PCDH11X: variants seen among roughly 807,000 people sequenced by gnomAD.
PCDH11X encodes protocadherin-11 X-linked.
PCDH11X carries 18 observed loss-of-function variants against 53.3 expected under a neutral mutation model. The observed-to-expected ratio is 0.34, with a 90% CI of 0.23 to 0.50. The LOEUF (loss-of-function observed/expected upper bound fraction) is 0.50. PCDH11X is among the 20% of genes least tolerant of loss of function. The pLI is 0.98. For synonymous variants in PCDH11X, 279 were observed against 393.3 expected (o/e 0.71, Z 3.44); for missense variants, 570 against 1,032.4 (o/e 0.55, Z 6.14).
At position 92,424,802 on chromosome X, in the gene PCDH11X, G is replaced by A. The variant is rs1263423892; in HGVS notation, c.3343+36869G>A. On this transcript the variant is annotated intron_variant, in intron 9 of 10. Transcript: ENST00000682573. ...CTTTTGTTTACCTTTCAGAGTCCTC[G>A]GGTAGTTGCCTTTTGTATATTTTCC... 6.2e-5 allele frequency among the ~76,000 whole-genome samples: 6 copies of A among 96,681 alleles called. 1 individual carries two copies. The highest frequency in any genetic ancestry group is 5.5e-4 in the Admixed American group (5 of 9,124). The allele number at this position is 96,681 out of a possible 115,157, so 84.0% of individuals were successfully genotyped here. A position where few individuals can be genotyped will look rare whatever the true frequency, so the allele number is the denominator to read the frequency against.
chrX:92,428,718 A>G (rs1446311072), intron 9 of PCDH11X, among the ~76,000 whole-genome samples: 1 of 111,129 alleles, frequency 9.0e-6, no homozygotes. Context: ...CTAGCCTTTT[A>G]GCTTCCTAGA....
intron 6 of PCDH11X, among the ~76,000 whole-genome samples, chrX:92,097,057 T>C (rs1392363348): frequency 2.7e-5 from 3 of 111,520 alleles, no homozygotes; most frequent in African/African-American, 9.8e-5. Flanking sequence ...TATAAACTAT[T>C]GATAATCTTG....
intron 8 of PCDH11X, among the ~76,000 whole-genome samples, chrX:92,386,637 G>A (rs1320317463): frequency 1.8e-5 from 2 of 110,457 alleles, no homozygotes; most frequent in East Asian, 5.7e-4. Context: ...CCACCAGCTG[G>A]AATGTTCATA....
chrX:92,093,516 A>G (rs1282966043), intron 6 of PCDH11X, among the ~76,000 whole-genome samples: 1 of 111,823 alleles, frequency 8.9e-6, no homozygotes, highest in Non-Finnish European at 1.9e-5. Flanking sequence ...ACAGGGTTCC[A>G]GAGTAGTGGT....
chrX:92,608,901 A>C (rs1048957305), intron 10 of PCDH11X, among the ~76,000 whole-genome samples: 1 of 110,904 alleles, frequency 9.0e-6, no homozygotes, highest in Admixed American at 9.6e-5. Context: ...CTGCTAGTCA[A>C]CATTACCTGA....
At chrX:92,179,609 G>T (rs1177416086) in intron 6 of PCDH11X, among the ~76,000 whole-genome samples, 1 of 111,901 alleles carries the variant, frequency 8.9e-6, no homozygotes, top group Admixed American at 9.5e-5. Flanking sequence ...ATCTAAAAAA[G>T]TCAGTTTCTT....
chrX:92,489,971 G>A (rs1242470883), intron 10 of PCDH11X, among the ~76,000 whole-genome samples: 7 of 103,711 alleles, frequency 6.7e-5, no homozygotes, highest in South Asian at 4.2e-4. Flanking sequence ...CAACAATAAC[G>A]ACATAATAGT....
At chrX:92,001,933 T>C (rs1460535581) in intron 6 of PCDH11X, among the ~76,000 whole-genome samples, 1 of 104,913 alleles carries the variant, frequency 9.5e-6, no homozygotes, top group Non-Finnish European at 2.0e-5. Flanking sequence ...TTTTTTTCTT[T>C]GGTTGCCTGC....
chrX:91,928,042 A>G (rs1429507460), intron 6 of PCDH11X, among the ~76,000 whole-genome samples: 1 of 110,967 alleles, frequency 9.0e-6, no homozygotes, highest in African/African-American at 3.3e-5. Context: ...CTCTGCACCT[A>G]TTTCTCAGCT....
intron 6 of PCDH11X, among the ~76,000 whole-genome samples, chrX:91,979,303 T>A (rs1250979170): frequency 9.0e-6 from 1 of 110,540 alleles, no homozygotes; most frequent in Admixed American, 9.8e-5. Flanking sequence ...ACAATTTCAT[T>A]GCTTAAGAAT....
rs771568340 is a variant in PCDH11X, at chrX:91,985,283, G to C, written c.3033+106010G>C. On this transcript the variant is annotated intron_variant, in intron 6 of 10. Coordinates refer to ENST00000682573, the MANE Select transcript of PCDH11X (RefSeq NM_032968.5). ...GCACTTTGGGAGACCCAGGCGGGTG[G>C]ATCACAAGGTCAGGGTTTTGAGATC... Among the ~76,000 whole-genome samples, 4 of 111,982 alleles carry C rather than the reference G, an allele frequency of 3.6e-5. No homozygotes were observed. In the South Asian group the frequency reaches 1.5e-3, roughly 41 times the overall value.
chrX:91,886,034 A>T (rs1045708275), intron 6 of PCDH11X, among the ~76,000 whole-genome samples: 5 of 111,700 alleles, frequency 4.5e-5, no homozygotes, highest in Non-Finnish European at 7.5e-5. Context: ...TATTATCTCT[A>T]TTTGAGAACA....
At chrX:92,171,918 A>C (rs1441168196) in intron 6 of PCDH11X, among the ~76,000 whole-genome samples, 3 of 111,964 alleles carry the variant, frequency 2.7e-5, no homozygotes, top group Non-Finnish European at 3.8e-5. Flanking sequence ...TCCAGTGTAC[A>C]AGCTTTGCCC....
chrX:92,439,223 A>T (rs2072458150), intron 9 of PCDH11X, among the ~76,000 whole-genome samples: 1 of 111,309 alleles, frequency 9.0e-6, no homozygotes, highest in Non-Finnish European at 1.9e-5. Context: ...AAGTGTCTTT[A>T]GGGTCATACC....
At chrX:92,468,490 C>A (rs1349235489) in intron 10 of PCDH11X, among the ~76,000 whole-genome samples, 168 bp downstream of exon 10, 2 of 107,529 alleles carry the variant, frequency 1.9e-5, no homozygotes, top group Admixed American at 2.0e-4. Flanking sequence ...CTAGGAAGGG[C>A]ATTCAGTCAG....
At chrX:92,348,866 G>A (rs902222090) in intron 8 of PCDH11X, among the ~76,000 whole-genome samples, 30 of 101,835 alleles carry the variant, frequency 2.9e-4, no homozygotes, top group African/African-American at 1.1e-3. Context: ...AACAAATAAT[G>A]TATGGGACAC....
intron 10 of PCDH11X, among the ~76,000 whole-genome samples, chrX:92,586,449 C>T (rs1314868870): frequency 9.4e-6 from 1 of 106,531 alleles, no homozygotes; most frequent in Non-Finnish European, 1.9e-5. Flanking sequence ...AATTATGGAA[C>T]TATGGATTGA....
chrX:92,158,865 ACCT>A (rs1192137557), intron 6 of PCDH11X, among the ~76,000 whole-genome samples: 1 of 111,247 alleles, frequency 9.0e-6, no homozygotes, highest in Non-Finnish European at 1.9e-5. Flanking sequence ...CGATCTCCTG[ACCT>A]CGTGATCTGC....
intron 10 of PCDH11X, among the ~76,000 whole-genome samples, chrX:92,476,295 T>C (rs1376813817): frequency 8.9e-6 from 1 of 112,020 alleles, no homozygotes; most frequent in Non-Finnish European, 1.9e-5. Flanking sequence ...CTCGTGTGTG[T>C]CTTTATCAGC....
Sources: allele counts gnomAD v4.1 joint callset (sites outside exome capture counted in the v4.1 genomes callset), GRCh38; gene constraint gnomAD v4.1.1; transcripts MANE v1.5; gene names NCBI Gene and HGNC (gene_info 2026-07-23, HGNC 2026-07-21).